Variants in KIAA1217 observed in about 807,000 individuals in gnomAD.
The protein encoded by KIAA1217 is sickle tail protein homolog.
KIAA1217 carries 88 observed loss-of-function variants against 163.9 expected under a neutral mutation model. The observed-to-expected ratio is 0.54, with a 90% confidence interval of 0.45 to 0.64. The LOEUF (loss-of-function observed/expected upper bound fraction) is 0.64. KIAA1217 is among the 30% of genes least tolerant of loss of function. KIAA1217 has a pLI of 0.00. For synonymous variants in KIAA1217, 903 were observed against 923.1 expected, an observed-to-expected ratio of 0.98 and a Z score of 0.39; for missense variants, 2,372 against 2,475.0, an observed-to-expected ratio of 0.96 and a Z score of 0.88.
At chr10:24,099,524 T>A (rs1240865918) in intron 2 of KIAA1217, among the ~76,000 whole-genome samples, 1 of 150,312 alleles carries the variant, frequency 6.7e-6, no homozygotes, top group African/African-American at 2.4e-5. Context: ...TCATCCTTTT[T>A]TATGGCTGCA....
chr10:24,335,983 G>A (rs1468866164), intron 2 of KIAA1217, among the ~76,000 whole-genome samples: 3 of 152,240 alleles, frequency 2.0e-5, no homozygotes, highest in African/African-American at 7.2e-5. Flanking sequence ...GCTCACGCCT[G>A]TAATCCCAGC....
At chr10:24,173,566 G>C (rs1016854166) in intron 2 of KIAA1217, among the ~76,000 whole-genome samples, 3 of 152,032 alleles carry the variant, frequency 2.0e-5, no homozygotes, top group African/African-American at 7.2e-5. Context: ...TATCATAATA[G>C]TTACAGAATC....
chr10:24,146,333 T>A (rs774660694), intron 2 of KIAA1217, among the ~76,000 whole-genome samples: 2 of 152,182 alleles, frequency 1.3e-5, no homozygotes, highest in Non-Finnish European at 2.9e-5. Flanking sequence ...GAAGAAATAG[T>A]CTCTTGATAA....
At chr10:24,384,074 C>G (rs1341310226) in intron 3 of KIAA1217, among the ~76,000 whole-genome samples, 2 of 152,196 alleles carry the variant, frequency 1.3e-5, no homozygotes, top group African/African-American at 4.8e-5. Flanking sequence ...CCCAGAAGCA[C>G]AGCTGCAACT....
chr10:24,374,324 A>T (rs2052144152), intron 2 of KIAA1217, among the ~76,000 whole-genome samples: 1 of 152,204 alleles, frequency 6.6e-6, no homozygotes, highest in South Asian at 2.1e-4. Context: ...GTTCCTGGTT[A>T]CTAGTCATCC....
intron 2 of KIAA1217, among the ~76,000 whole-genome samples, chr10:24,132,616 AG>A (rs1253069266): frequency 6.6e-6 from 1 of 151,928 alleles, no homozygotes; most frequent in Non-Finnish European, 1.5e-5. Flanking sequence ...TGAGGCTCCC[AG>A]TTCTAATAGA....
chr10:24,190,100 A>G (rs185129430), intron 2 of KIAA1217, among the ~76,000 whole-genome samples: 2 of 151,866 alleles, frequency 1.3e-5, no homozygotes, highest in Admixed American at 1.3e-4. Context: ...GGGGGAGCTT[A>G]GCAAGGCCTG....
At chr10:23,727,224 C>A (rs1838211102) in intron 1 of KIAA1217, among the ~76,000 whole-genome samples, 1 of 151,802 alleles carries the variant, frequency 6.6e-6, no homozygotes, top group Admixed American at 6.6e-5. Context: ...ATCTCCTAAC[C>A]TTGCGATCCA....
rs1236188417 is a variant in KIAA1217, at chr10:24,441,965, T to A, written c.846+3486T>A. On this transcript the variant is annotated intron_variant, in intron 5 of 20. Coordinates refer to ENST00000376454, the MANE Select transcript of KIAA1217 (RefSeq NM_019590.5). ...GTCACCAAACCTGGTGGCTTTTTCA[T>A]AGTGTGGGGGCTTCTCCACCTTCTT... 3.3e-5 allele frequency among the ~76,000 whole-genome samples: 5 copies of A among 152,330 alleles called. No homozygotes were observed. In the South Asian group the frequency reaches 1.0e-3, roughly 32 times the overall value.
intron 1 of KIAA1217, among the ~76,000 whole-genome samples, chr10:23,889,146 A>C (rs149888075): frequency 1.3e-3 from 199 of 151,992 alleles, no homozygotes; most frequent in Non-Finnish European, 1.9e-3. Context: ...TTCAGCATAC[A>C]TTTTGGTGTT....
chr10:24,163,846 G>A (rs2065227270), intron 2 of KIAA1217, among the ~76,000 whole-genome samples: 2 of 152,056 alleles, frequency 1.3e-5, no homozygotes, highest in Non-Finnish European at 2.9e-5. Context: ...GGTGAAAAAG[G>A]CTTCCTCCTG....
intron 2 of KIAA1217, among the ~76,000 whole-genome samples, chr10:24,224,246 G>T (rs60134848): frequency 0.04 from 6,133 of 152,260 alleles, 413 homozygotes; most frequent in African/African-American, 0.14. Context: ...CTAAGGGCTT[G>T]GTTTGGATGC....
rs545908393 is a variant in KIAA1217 at position 24,364,650 on chromosome 10, T to G, written c.355-16219T>G. ...GATTCTTCCAGCTTCTAGGTTTCCG[T>G]GACCTTAGTTAGCAAAGGCAGGAAA... is the stretch of plus-strand genomic sequence containing the variant. On this transcript the variant is annotated intron_variant, in intron 2 of 20. Coordinates refer to ENST00000376454, the MANE Select transcript of KIAA1217 (RefSeq NM_019590.5). 3.9e-5 allele frequency among the ~76,000 whole-genome samples: 6 copies of G among 152,266 alleles called. No individual in the cohort carries two copies. The South Asian group carries it at 1.2e-3, about 32-fold the overall frequency.
intron 2 of KIAA1217, among the ~76,000 whole-genome samples, chr10:24,288,843 C>CTTAA (rs1321802101): frequency 6.6e-6 from 1 of 152,148 alleles, no homozygotes; most frequent in Non-Finnish European, 1.5e-5. Context: ...GATGTTTGGA[C>CTTAA]TTAATCCTGT....
rs553388678 is a variant in KIAA1217, at chr10:24,060,638, A to T, written c.-171+53264A>T. Among the ~76,000 whole-genome samples, 924 of 152,106 alleles carry T rather than the reference A, an allele frequency of 6.1e-3. 10 individuals carry two copies. The highest frequency in any genetic ancestry group is 0.021 in the African/African-American group (855 of 41,488). On this transcript the variant is annotated intron_variant, in intron 2 of 18. Transcript: ENST00000376462. Reference sequence around the variant, plus strand: ...AGCAAGACTCTGTTTCTACAAAAAAATTTTTTTATGAGATGTGCGTGGTGA... The same window carrying T: ...AGCAAGACTCTGTTTCTACAAAAAATTTTTTTTATGAGATGTGCGTGGTGA...
At chr10:23,795,843 C>G (rs1202342292) in intron 1 of KIAA1217, among the ~76,000 whole-genome samples, 5 of 152,154 alleles carry the variant, frequency 3.3e-5, no homozygotes, top group Non-Finnish European at 5.9e-5. Flanking sequence ...TAAAACAACT[C>G]AAGAAGATAT....
intron 6 of KIAA1217, chr10:24,482,163 C>A (rs914592197): frequency 6.6e-6 from 1 of 152,090 alleles, no homozygotes; most frequent in Non-Finnish European, 1.5e-5. Flanking sequence ...GTCAGAAATG[C>A]CAATGGAATA....
At chr10:24,183,581 G>A (rs999448904) in intron 2 of KIAA1217, among the ~76,000 whole-genome samples, 18 of 152,214 alleles carry the variant, frequency 1.2e-4, no homozygotes, top group African/African-American at 4.1e-4. Context: ...ATGATAGAAT[G>A]TAAAAGTGGG....
chr10:24,210,081 G>A (rs368263746), intron 1 of KIAA1217, among the ~76,000 whole-genome samples: 6 of 145,940 alleles, frequency 4.1e-5, no homozygotes, highest in African/African-American at 1.5e-4. Flanking sequence ...TGGACCACCC[G>A]CCCCACCCTC....
Sources: gnomAD v4.1 joint callset for allele counts (sites outside exome capture counted in the v4.1 genomes callset) on GRCh38, gnomAD v4.1.1 for gene constraint, MANE v1.5 for transcripts, NCBI Gene and HGNC (gene_info 2026-07-23, HGNC 2026-07-21) for gene names.